Variants in CSPP1 observed in about 807,000 individuals in gnomAD.
CSPP1 encodes the protein centrosome and spindle pole-associated protein 1.
A neutral mutation model predicts 164.4 loss-of-function variants in CSPP1; 126 were observed. The ratio of observed to expected loss-of-function variants is 0.77; its 90% CI spans 0.66 to 0.89. The LOEUF (loss-of-function observed/expected upper bound fraction) is 0.89, where lower values mean the gene tolerates loss of function less well. CSPP1 is among the 40% of genes least tolerant of loss of function. The pLI is 0.00. For synonymous variants in CSPP1, 472 were observed against 476.7 expected (o/e 0.99, Z 0.13); for missense variants, 1,395 against 1,449.8 (o/e 0.96, Z 0.61).
At chr8:67,119,113 T>C (rs117700832) in intron 15 of CSPP1, among the ~76,000 whole-genome samples, 3 of 152,318 alleles carry the variant, frequency 2.0e-5, no homozygotes, top group Non-Finnish European at 4.4e-5. Flanking sequence ...CTCATATGAA[T>C]AGAATCATAC....
intron 1 of CSPP1, among the ~76,000 whole-genome samples, chr8:67,066,428 C>T (rs1805561651): frequency 6.6e-6 from 1 of 151,884 alleles, no homozygotes; most frequent in Admixed American, 6.6e-5. Flanking sequence ...TTCACTGGCC[C>T]CTCCCCCCAC....
At chr8:67,068,475 A>T (rs958942769) in intron 1 of CSPP1, among the ~76,000 whole-genome samples, 1 of 152,234 alleles carries the variant, frequency 6.6e-6, no homozygotes, top group Non-Finnish European at 1.5e-5. Context: ...GTCATATATA[A>T]ATAATCTCAT....
chr8:67,183,970 A>G (rs1408383199), intron 28 of CSPP1, among the ~76,000 whole-genome samples: 2 of 148,692 alleles, frequency 1.3e-5, no homozygotes, highest in African/African-American at 5.0e-5. Flanking sequence ...CTCCTGACTC[A>G]GTCTCCCAAG....
At chr8:67,189,480 C>T (rs919439852) in intron 28 of CSPP1, among the ~76,000 whole-genome samples, 1 of 152,126 alleles carries the variant, frequency 6.6e-6, no homozygotes, top group African/African-American at 2.4e-5. Context: ...GGACCCAAAA[C>T]TTATTTTAGA....
intron 18 of CSPP1, among the ~76,000 whole-genome samples, chr8:67,150,366 T>G (rs765349666): frequency 6.6e-6 from 1 of 152,100 alleles, no homozygotes; most frequent in Non-Finnish European, 1.5e-5. Context: ...TCATTTACCC[T>G]CCCTTGTAAA....
In CSPP1 at chr8:67,137,333, GA is replaced by G. The variant is rs34987713; in HGVS notation, c.1828-111del. On this transcript the variant is annotated intron_variant, in intron 16 of 30. Transcript: ENST00000678616. ...AACCTTTGTAGGGGGGTACACTGGG[GA>G]AAAAAAAAAAAGCAAATTTTTTTGC... 0.08 allele frequency: 38,788 copies of G among 486,412 alleles called. 14 individuals carry two copies. The highest frequency in any genetic ancestry group is 0.099 in the East Asian group (2,111 of 21,428). 30.1% of individuals were successfully genotyped at this position (486,412 alleles called of 1,614,324 possible).
At chr8:67,070,552 T>G (rs1207001586) in intron 1 of CSPP1, among the ~76,000 whole-genome samples, 1 of 151,492 alleles carries the variant, frequency 6.6e-6, no homozygotes, top group Non-Finnish European at 1.5e-5. Flanking sequence ...GGAGGATCAC[T>G]TGAGCTTAGC....
intron 28 of CSPP1, among the ~76,000 whole-genome samples, chr8:67,181,338 ATTTTTTTTTTTTT>A (rs58029238): frequency 8.9e-6 from 1 of 112,658 alleles, no homozygotes; most frequent in Non-Finnish European, 1.9e-5. Flanking sequence ...GTACCTGGCC[ATTTTTTTTTTTTT>A]TTTTTTTTTT....
chr8:67,194,984 TAAAAA>T (rs1837552042), intron 30 of CSPP1, among the ~76,000 whole-genome samples: 1 of 151,982 alleles, frequency 6.6e-6, no homozygotes, highest in Non-Finnish European at 1.5e-5. Flanking sequence ...TTAAAAAAAA[TAAAAA>T]GAAAAAAGAA....
intron 3 of CSPP1, chr8:67,081,035 A>T (rs1809047580): frequency 6.6e-6 from 1 of 152,076 alleles, no homozygotes. Flanking sequence ...CCCTCAAATC[A>T]CATGGTTGGT....
At chr8:67,158,830 A>T (rs1157130221) in intron 20 of CSPP1, among the ~76,000 whole-genome samples, 161 bp from the exon 21 acceptor site, 2 of 152,204 alleles carry the variant, frequency 1.3e-5, no homozygotes, top group African/African-American at 4.8e-5. Flanking sequence ...TTTATAAAAG[A>T]TGCCTAATAT....
At chr8:67,177,586 T>A in intron 26 of CSPP1, 94 bp from the exon 27 acceptor site, 1 of 766,962 alleles carries the variant, frequency 1.3e-6, no homozygotes. Flanking sequence ...TAATTTCCAG[T>A]AGAGAGCTAG....
At chr8:67,140,129 G>T (rs546065564) in intron 17 of CSPP1, among the ~76,000 whole-genome samples, 2 of 152,134 alleles carry the variant, frequency 1.3e-5, no homozygotes, top group South Asian at 4.2e-4. Flanking sequence ...CTGTCACCCA[G>T]GCTGGAGTGC....
chr8:67,157,608 C>G (rs1421073885), intron 19 of CSPP1: 2 of 152,216 alleles, frequency 1.3e-5, no homozygotes, highest in Non-Finnish European at 2.9e-5. Context: ...AACCTTGAAG[C>G]TAGAGGAAGT....
At chr8:67,096,900 CGT>C (rs1563545419) in intron 7 of CSPP1, among the ~76,000 whole-genome samples, 1 of 152,046 alleles carries the variant, frequency 6.6e-6, no homozygotes, top group African/African-American at 2.4e-5. Flanking sequence ...TAAAATAAAA[CGT>C]GTGAAAAAAG....
chr8:67,096,671 A>G (rs757359684), intron 7 of CSPP1, among the ~76,000 whole-genome samples: 1 of 151,090 alleles, frequency 6.6e-6, no homozygotes, highest in Non-Finnish European at 1.5e-5. Context: ...TTGAGACCAA[A>G]CTGACCAACA....
intron 16 of CSPP1, 87 bp downstream of exon 16, chr8:67,132,167 G>C (rs879136299): frequency 7.9e-7 from 1 of 1,268,596 alleles, no homozygotes; most frequent in East Asian, 2.5e-5. Flanking sequence ...CCGGGGAGGG[G>C]AAAAAAAACA....
chr8:67,172,594 T>G (rs1259376832), intron 25 of CSPP1, 39 bp downstream of exon 25: 2 of 1,528,432 alleles, frequency 1.3e-6, no homozygotes, highest in East Asian at 2.3e-5. Context: ...GTAGCAGAAG[T>G]GTTCTACCCA....
chr8:67,178,256 GT>G (rs1428010771), intron 27 of CSPP1, among the ~76,000 whole-genome samples: 1 of 152,150 alleles, frequency 6.6e-6, no homozygotes, highest in Non-Finnish European at 1.5e-5. Flanking sequence ...TGGAAGTAGT[GT>G]TGAGGTCTAC....
Sources: allele counts gnomAD v4.1 joint callset (sites outside exome capture counted in the v4.1 genomes callset), GRCh38; gene constraint gnomAD v4.1.1; transcripts MANE v1.5; gene names NCBI Gene and HGNC (gene_info 2026-07-23, HGNC 2026-07-21).